TMEM230: variants seen among roughly 807,000 people sequenced by gnomAD.
The protein encoded by TMEM230 is transmembrane protein 230.
In TMEM230, 10 loss-of-function variants were observed where a neutral mutation model predicts 15.8. That is an observed-to-expected ratio of 0.63 (90% confidence interval 0.39 to 1.07). The LOEUF is 1.07. Ranked by LOEUF, TMEM230 falls within the 50% of genes least tolerant of loss-of-function variation. TMEM230 has a pLI of 0.01. For missense variants in TMEM230, 165 were observed against 193.3 expected, an observed-to-expected ratio of 0.85 and a Z score of 0.87; for synonymous variants, 67 against 76.9, an observed-to-expected ratio of 0.87 and a Z score of 0.68.
chr20:5,109,875 AAAGC>A (rs2090243967), intron 2 of TMEM230, among the ~76,000 whole-genome samples: 1 of 152,194 alleles, frequency 6.6e-6, no homozygotes, highest in Non-Finnish European at 1.5e-5. Context: ...CTCTTAAGAA[AAAGC>A]AAGAGGAGCA....
At chr20:5,076,556 G>A (rs6053083) in intron 3 of TMEM230, among the ~76,000 whole-genome samples, 11,456 of 151,716 alleles carry the variant, frequency 0.076, 1,359 homozygotes, top group African/African-American at 0.26. Flanking sequence ...TAAATAAAAT[G>A]AAATAAATAA....
At chr20:5,085,599 C>T (rs975738150) in intron 3 of TMEM230, among the ~76,000 whole-genome samples, 3 of 152,032 alleles carry the variant, frequency 2.0e-5, no homozygotes, top group Non-Finnish European at 4.4e-5. Context: ...TGAATCTTTT[C>T]ATGAGCCAAG....
intron 3 of TMEM230, among the ~76,000 whole-genome samples, chr20:5,073,774 T>G (rs2088902637): frequency 6.6e-6 from 1 of 152,214 alleles, no homozygotes; most frequent in South Asian, 2.1e-4. Context: ...CAAGAATTAT[T>G]TTGAGCTGAA....
At chr20:5,080,389 GT>G (rs765039272) in intron 3 of TMEM230, among the ~76,000 whole-genome samples, 2 of 152,120 alleles carry the variant, frequency 1.3e-5, no homozygotes, top group South Asian at 4.1e-4. Flanking sequence ...AAGACTGAAA[GT>G]TGCTGTGTTA....
At chr20:5,091,441 C>T (rs1002963423) in intron 3 of TMEM230, among the ~76,000 whole-genome samples, 1 of 152,100 alleles carries the variant, frequency 6.6e-6, no homozygotes, top group Non-Finnish European at 1.5e-5. Context: ...GAACTCCTGA[C>T]CTCAGGTGAT....
chr20:5,077,255 C>T (rs1168451267), intron 3 of TMEM230, among the ~76,000 whole-genome samples: 1 of 151,940 alleles, frequency 6.6e-6, no homozygotes, highest in African/African-American at 2.4e-5. Context: ...CTGCAGTGAG[C>T]TGAGATTGTG....
intron 3 of TMEM230, among the ~76,000 whole-genome samples, chr20:5,093,502 A>G (rs1341053324): frequency 6.6e-6 from 1 of 151,640 alleles, no homozygotes; most frequent in Admixed American, 6.6e-5. Context: ...CAGCCTCCCA[A>G]CGTGCTGGGG....
At chr20:5,062,970 T>C in the TMEM230 span, among the ~76,000 whole-genome samples, 1 of 152,052 alleles carries the variant, frequency 6.6e-6, no homozygotes, top group African/African-American at 2.4e-5. Context: ...AGAGAGGAGA[T>C]GCTCTGCTCC....
intron 3 of TMEM230, among the ~76,000 whole-genome samples, chr20:5,071,457 T>A (rs1007419329): frequency 2.6e-5 from 4 of 151,842 alleles, no homozygotes; most frequent in African/African-American, 9.7e-5. Context: ...ACACCCCGTC[T>A]CTACTAAAAA....
chr20:5,085,537 C>A (rs1410638921), intron 3 of TMEM230, among the ~76,000 whole-genome samples: 2 of 152,184 alleles, frequency 1.3e-5, no homozygotes, highest in Non-Finnish European at 2.9e-5. Context: ...GACCTGCTCG[C>A]CTCGGCCTCC....
chr20:5,072,864 A>G (rs1426307650), intron 3 of TMEM230, among the ~76,000 whole-genome samples: 7 of 151,434 alleles, frequency 4.6e-5, no homozygotes, highest in African/African-American at 1.7e-4. Context: ...AAAAAAAAAA[A>G]AAAAAAAAAA....
intron 3 of TMEM230, among the ~76,000 whole-genome samples, chr20:5,074,872 A>G (rs2088939573): frequency 6.6e-6 from 1 of 152,186 alleles, no homozygotes. Flanking sequence ...TATGCTGCCC[A>G]GGTTTGTTTT....
chr20:5,071,289 G>A lies in TMEM230; in HGVS notation c.223-1940C>T, dbSNP rs141514707. On this transcript the variant is annotated intron_variant, in intron 3 of 3. Transcript: ENST00000612323. ...GAACTGGGAATGGACGTGTAGGGACGGGAAGCTGGAGAAAGATGGGAGCAT... is the reference window on the plus strand; with the variant it reads ...GAACTGGGAATGGACGTGTAGGGACAGGAAGCTGGAGAAAGATGGGAGCAT... 4.6e-4 allele frequency among the ~76,000 whole-genome samples: 70 copies of A among 151,894 alleles called. 1 individual carries two copies. The East Asian group carries it at 0.013, about 28-fold the overall frequency.
At chr20:5,071,240 A>G (rs1286526962) in intron 3 of TMEM230, among the ~76,000 whole-genome samples, 1 of 152,188 alleles carries the variant, frequency 6.6e-6, no homozygotes, top group African/African-American at 2.4e-5. Context: ...GCCAATCAAG[A>G]ACACTCAAAG....
the TMEM230 span, chr20:5,061,062 C>T: frequency 6.6e-6 from 1 of 152,154 alleles, no homozygotes; most frequent in African/African-American, 2.4e-5. Flanking sequence ...ATTCTCCAAA[C>T]TTGCCTTTTA....
intron 3 of TMEM230, among the ~76,000 whole-genome samples, chr20:5,089,219 A>G (rs1005312668): frequency 6.6e-6 from 1 of 151,902 alleles, no homozygotes; most frequent in African/African-American, 2.4e-5. Context: ...CTAAAAATAC[A>G]AAAAAATTAG....
downstream of TMEM230, among the ~76,000 whole-genome samples, chr20:5,097,196 A>G (rs540352805): frequency 1.3e-5 from 2 of 152,268 alleles, no homozygotes; most frequent in East Asian, 3.9e-4. Context: ...TGTGCTCCTC[A>G]TTACCCCAGT....
chr20:5,103,374 G>A (rs563701098), intron 4 of TMEM230, among the ~76,000 whole-genome samples: 10 of 152,202 alleles, frequency 6.6e-5, no homozygotes, highest in African/African-American at 2.2e-4. Context: ...TGAGGTGGGA[G>A]GATCGACTGA....
rs60608795 is a variant in TMEM230 at position 5,082,314 on chromosome 20, C to T, written c.223-12965G>A. On this transcript the variant is annotated intron_variant, in intron 3 of 3. Coordinates refer to the TMEM230 transcript ENST00000612323. ...GGAGTGCAGAGGCATAATCCCGGCT[C>T]ACTGCAACCTCTGCCTCCCAGGCTC... is the stretch of plus-strand genomic sequence containing the variant. Among the ~76,000 whole-genome samples, 15 of 152,202 alleles carry T rather than the reference C, an allele frequency of 9.9e-5. No individual in the cohort carries two copies. The East Asian group carries it at 2.7e-3, about 27-fold the overall frequency.
Sources: gnomAD v4.1 joint callset for allele counts (sites outside exome capture counted in the v4.1 genomes callset) on GRCh38, gnomAD v4.1.1 for gene constraint, MANE v1.5 for transcripts, NCBI Gene and HGNC (gene_info 2026-07-23, HGNC 2026-07-21) for gene names.